Variants in SHANK2 observed in about 807,000 individuals in gnomAD.
SHANK2 encodes SH3 and multiple ankyrin repeat domains 2.
SHANK2 carries 43 observed loss-of-function variants against 133.7 expected under a neutral mutation model. The ratio of observed to expected loss-of-function variants is 0.32; its 90% CI spans 0.25 to 0.41. SHANK2 has a LOEUF of 0.41. SHANK2 is among the 10% of genes least tolerant of loss of function. SHANK2 has a pLI of 1.00. For missense variants in SHANK2, 1,994 were observed against 2,235.8 expected, an observed-to-expected ratio of 0.89 and a Z score of 2.18; for synonymous variants, 1,017 against 952.8, an observed-to-expected ratio of 1.07 and a Z score of -1.24.
Position 71,115,542 on chromosome 11 carries a change from A to C in SHANK2, c.412-2178T>G, listed in dbSNP as rs533256397. ...AATGAAACCAGAGCAGCAGCTGCAA[A>C]GTCAATTTGGGGACTTGTGGATGGC... On this transcript the variant is annotated intron_variant, in intron 4 of 25. Transcript: ENST00000601538. Among the ~76,000 whole-genome samples the C allele has an allele frequency of 2.6e-5, 4 of 152,320 alleles. No individual in the cohort carries two copies. In the South Asian group the frequency reaches 8.3e-4, roughly 32 times the overall value.
chr11:70,862,849 A>T (rs1200887544), intron 11 of SHANK2: 1 of 272,892 alleles, frequency 3.7e-6, no homozygotes, highest in Non-Finnish European at 7.2e-6. Flanking sequence ...GACACAGTCT[A>T]GAGTCTAGTA....
intron 10 of SHANK2, among the ~76,000 whole-genome samples, chr11:70,898,358 G>T (rs548623186): frequency 1.3e-5 from 2 of 151,200 alleles, no homozygotes; most frequent in Non-Finnish European, 2.9e-5. Context: ...AATAAATATG[G>T]TGTTGGTGAA....
chr11:70,862,045 C>T (rs1555067903), intron 11 of SHANK2, among the ~76,000 whole-genome samples: 2 of 152,118 alleles, frequency 1.3e-5, no homozygotes, highest in African/African-American at 4.8e-5. Flanking sequence ...TCTCCCAGGC[C>T]AGGGGGAATC....
intron 17 of SHANK2, among the ~76,000 whole-genome samples, chr11:70,576,317 G>T (rs1357447086): frequency 6.6e-6 from 1 of 152,116 alleles, no homozygotes; most frequent in East Asian, 1.9e-4. Context: ...ACCTCCTGGG[G>T]AGAGAGCCGT....
At chr11:71,118,756 A>T (rs1210007140) in intron 4 of SHANK2, 73 bp downstream of exon 4, 3 of 1,314,942 alleles carry the variant, frequency 2.3e-6, no homozygotes, top group Non-Finnish European at 3.1e-6. Flanking sequence ...CCCCACCACC[A>T]TGTCTCCCCC....
At chr11:70,752,448 G>A (rs1555037589) in intron 14 of SHANK2, among the ~76,000 whole-genome samples, 1 of 152,176 alleles carries the variant, frequency 6.6e-6, no homozygotes, top group African/African-American at 2.4e-5. Flanking sequence ...GCCGGGCGCG[G>A]TGGCTCACGC....
At chr11:70,685,347 G>A (rs782051343) in intron 15 of SHANK2, among the ~76,000 whole-genome samples, 14 of 152,006 alleles carry the variant, frequency 9.2e-5, no homozygotes, top group South Asian at 6.2e-4. Context: ...AGAGCTCCAC[G>A]GGGCCAACTC....
intron 17 of SHANK2, among the ~76,000 whole-genome samples, chr11:70,556,139 T>G (rs548301664): frequency 1.6e-4 from 25 of 152,350 alleles, no homozygotes; most frequent in African/African-American, 4.8e-4. Flanking sequence ...GTTAGCTTCT[T>G]TTGCTTAATG....
chr11:70,477,643 A>G (rs1394651575), intron 25 of SHANK2: 1 of 152,158 alleles, frequency 6.6e-6, no homozygotes, highest in African/African-American at 2.4e-5. Context: ...AGGGCACCCC[A>G]ACAGGACAAG....
rs141500311 is a variant in SHANK2, at chr11:71,177,125, A to AAGACTTTTCAAACATAC, written c.-12-29788_-12-29787insGTATGTTTGAAAAGTCT. 2.0e-5 allele frequency among the ~76,000 whole-genome samples: 3 copies of AAGACTTTTCAAACATAC among 152,018 alleles called. No homozygotes were observed. In the South Asian group the frequency reaches 6.2e-4, roughly 32 times the overall value. Reference sequence around the variant, plus strand: ...GCAGTGAATATATCTTTCAGAAATGAAGTAGCCGAAAGAATTCATGACCAG... The same window carrying AAGACTTTTCAAACATAC: ...GCAGTGAATATATCTTTCAGAAATGAAGACTTTTCAAACATACAGTAGCCGAAAGAATTCATGACCAG... On this transcript the variant is annotated intron_variant, in intron 2 of 25. Coordinates refer to ENST00000601538, the MANE Select transcript of SHANK2 (RefSeq NM_012309.5).
intron 14 of SHANK2, among the ~76,000 whole-genome samples, chr11:70,713,061 A>G (rs1482076783): frequency 6.6e-6 from 1 of 152,228 alleles, no homozygotes; most frequent in Non-Finnish European, 1.5e-5. Flanking sequence ...CAAAAGAATC[A>G]CGTGCTTTGA....
intron 11 of SHANK2, among the ~76,000 whole-genome samples, chr11:70,844,881 T>G (rs1948971618): frequency 6.6e-6 from 1 of 152,058 alleles, no homozygotes; most frequent in Non-Finnish European, 1.5e-5. Flanking sequence ...TATGACCAAA[T>G]CACTGGGACC....
chr11:70,863,016 G>A, intron 11 of SHANK2: 1 of 318,958 alleles, frequency 3.1e-6, no homozygotes, highest in African/African-American at 2.2e-5. Flanking sequence ...GAGCTGGTGG[G>A]CAGGGCAGAG....
chr11:70,644,522 C>T lies in SHANK2; in HGVS notation c.2061+15306G>A, dbSNP rs114681055. ...GCTGGATACCTCCATGTGGGGTGGA[C>T]GCAGCGACAGGAACTGAGGGGGCCC... is the stretch of plus-strand genomic sequence containing the variant. On this transcript the variant is annotated intron_variant, in intron 17 of 25. Transcript: ENST00000601538. Among the ~76,000 whole-genome samples the T allele has an allele frequency of 4.8e-3, 736 of 152,314 alleles. 6 individuals carry two copies. Among genetic ancestry groups the T allele is most frequent in the African/African-American group, 0.017 (696 of 41,554 alleles).
chr11:71,201,401 C>T (rs1392372593), intron 2 of SHANK2, among the ~76,000 whole-genome samples: 3 of 152,246 alleles, frequency 2.0e-5, no homozygotes, highest in East Asian at 1.9e-4. Context: ...CCGGAGATTG[C>T]GCCGAGCTGG....
rs184213350 is a variant in SHANK2, at chr11:70,607,150, C to T, written c.2061+52678G>A. ...TCCTGGAAACATCCGCCTTCCTCCC[C>T]GGGCACCAACAGCAATATGTGCCTT... On this transcript the variant is annotated intron_variant, in intron 17 of 25. Coordinates refer to ENST00000601538, the MANE Select transcript of SHANK2 (RefSeq NM_012309.5). Among the ~76,000 whole-genome samples, 88 of 152,310 alleles carry T rather than the reference C, an allele frequency of 5.8e-4. 1 individual carries two copies. The highest frequency in any genetic ancestry group is 1.9e-4 in the Non-Finnish European group (13 of 68,032).
intron 23 of SHANK2, chr11:70,489,862 C>T: frequency 6.7e-6 from 2 of 296,408 alleles, no homozygotes; most frequent in Admixed American, 9.2e-5. Flanking sequence ...GGAAGTACAT[C>T]TGCTGAGCTC....
At chr11:70,767,608 A>G (rs1323722194) in intron 14 of SHANK2, among the ~76,000 whole-genome samples, 1 of 152,158 alleles carries the variant, frequency 6.6e-6, no homozygotes, top group Non-Finnish European at 1.5e-5. Flanking sequence ...CCAGTCACAA[A>G]GGCCATGCTG....
chr11:70,670,328 C>T (rs996235952), intron 15 of SHANK2, among the ~76,000 whole-genome samples: 6 of 152,226 alleles, frequency 3.9e-5, no homozygotes, highest in East Asian at 3.9e-4. Context: ...TAGAAATTTC[C>T]GGGCTCTGCC....
Sources: gnomAD v4.1 joint callset for allele counts (sites outside exome capture counted in the v4.1 genomes callset) on GRCh38, gnomAD v4.1.1 for gene constraint, MANE v1.5 for transcripts, NCBI Gene and HGNC (gene_info 2026-07-23, HGNC 2026-07-21) for gene names.